Variants in MBNL3 observed in about 807,000 individuals in gnomAD.
MBNL3 encodes the protein muscleblind like splicing regulator 3.
A neutral mutation model predicts 24.5 loss-of-function variants in MBNL3; 6 were observed. The ratio of observed to expected loss-of-function variants is 0.25; its 90% confidence interval spans 0.13 to 0.48. The LOEUF (loss-of-function observed/expected upper bound fraction) is 0.48, where lower values mean the gene tolerates loss of function less well. Among genes scored for constraint, MBNL3 ranks in the 20% least tolerant of loss-of-function variants. MBNL3 has a pLI of 0.99. For missense variants in MBNL3, 230 were observed against 293.5 expected (o/e 0.78, Z 1.58); for synonymous variants, 100 against 101.7 (o/e 0.98, Z 0.10).
chrX:132,425,054 A>C (rs1436286924), intron 2 of MBNL3, among the ~76,000 whole-genome samples: 2 of 112,118 alleles, frequency 1.8e-5, no homozygotes, highest in Non-Finnish European at 3.8e-5. Flanking sequence ...ATCATTGCCA[A>C]ATGTTGACAC....
In MBNL3 at chrX:132,378,309, C is replaced by G. The variant is rs1015227609; in HGVS notation, c.*1357G>C. 9.0e-6 allele frequency: 1 copy of G among 111,057 alleles called. No homozygotes were observed. The highest frequency in any genetic ancestry group is 1.9e-5 in the Non-Finnish European group (1 of 52,881). 9.2% of individuals were successfully genotyped at this position (111,057 alleles called of 1,213,427 possible). A position where few individuals can be genotyped will look rare whatever the true frequency, so the allele number is the denominator to read the frequency against. On this transcript the variant is annotated 3_prime_UTR_variant, in exon 9 of 9. Transcript: ENST00000370853. ...TCTTTCCCAGTTCTTTTGAATAAAT[C>G]AAGGAATAATTGTAAGTGCTTCCCT...
intron 2 of MBNL3, among the ~76,000 whole-genome samples, chrX:132,416,276 A>G (rs1198098607): frequency 8.9e-6 from 1 of 112,072 alleles, no homozygotes; most frequent in African/African-American, 3.2e-5. Context: ...GGAGAACATT[A>G]TGTTAAGTGA....
intron 3 of MBNL3, among the ~76,000 whole-genome samples, chrX:132,402,737 C>CA (rs1941151315): frequency 8.9e-6 from 1 of 112,038 alleles, no homozygotes; most frequent in African/African-American, 3.2e-5. Context: ...TTGCCTGCTC[C>CA]AGCAAGCATT....
chrX:132,442,866 G>A (rs982700094), intron 1 of MBNL3, among the ~76,000 whole-genome samples: 3 of 112,047 alleles, frequency 2.7e-5, no homozygotes, highest in African/African-American at 9.7e-5. Flanking sequence ...TATTTTAGCG[G>A]CTGACTCAGA....
At chrX:132,441,794 T>C (rs1945401763) in intron 1 of MBNL3, among the ~76,000 whole-genome samples, 1 of 111,499 alleles carries the variant, frequency 9.0e-6, no homozygotes, top group Admixed American at 9.5e-5. Flanking sequence ...TCCTCCTACA[T>C]GAATGTTCAT....
chrX:132,445,330 G>A (rs748956909), intron 1 of MBNL3, among the ~76,000 whole-genome samples: 2 of 110,017 alleles, frequency 1.8e-5, no homozygotes, highest in African/African-American at 3.3e-5. Flanking sequence ...ACGTGTTTTC[G>A]TTAGTGGTCC....
chrX:132,473,611 C>T (rs776426986), intron 1 of MBNL3, among the ~76,000 whole-genome samples: 201 of 110,875 alleles, frequency 1.8e-3, no homozygotes, highest in Middle Eastern at 4.6e-3. Context: ...AATAAACACA[C>T]GCACACACAC....
chrX:132,445,476 G>A (rs1232681987), intron 1 of MBNL3, among the ~76,000 whole-genome samples: 3 of 110,905 alleles, frequency 2.7e-5, no homozygotes, highest in Non-Finnish European at 5.7e-5. Context: ...AGGATATTTT[G>A]CCTACAGAAC....
chrX:132,478,703 T>TA (rs1338114725), intron 1 of MBNL3, among the ~76,000 whole-genome samples: 1 of 112,523 alleles, frequency 8.9e-6, no homozygotes, highest in East Asian at 2.8e-4. Flanking sequence ...TTCTGTTTAA[T>TA]AGAAATGCTA....
intron 1 of MBNL3, among the ~76,000 whole-genome samples, chrX:132,448,574 T>C (rs1306460531): frequency 9.0e-6 from 1 of 111,687 alleles, no homozygotes; most frequent in Non-Finnish European, 1.9e-5. Context: ...CTTTTGTTAA[T>C]CTTTTCAAAA....
intron 2 of MBNL3, chrX:132,411,567 A>G (rs1163471308): frequency 4.2e-6 from 1 of 239,447 alleles, no homozygotes; most frequent in Non-Finnish European, 5.9e-6. Flanking sequence ...TAAGCACACA[A>G]GCCAAGTTTC....
At chrX:132,443,385 TG>T (rs1287306602) in intron 1 of MBNL3, among the ~76,000 whole-genome samples, 1 of 112,056 alleles carries the variant, frequency 8.9e-6, no homozygotes, top group East Asian at 2.8e-4. Context: ...TTATCTCTCC[TG>T]GGAATCTTAA....
Position 132,442,728 on chromosome X carries a change from G to T in MBNL3, c.-703-2414C>A, listed in dbSNP as rs142894415. Among the ~76,000 whole-genome samples, 811 of 113,049 alleles carry T rather than the reference G, an allele frequency of 7.2e-3. 1 individual carries two copies. The highest frequency in any genetic ancestry group is 0.011 in the Non-Finnish European group (569 of 53,320). ...CTTCTGGCCATGCATTTTATTCAGA[G>T]ATAGGGGAAGAAGGAATTTTCTTTT... On this transcript the variant is annotated intron_variant, in intron 1 of 8. Transcript: ENST00000370853.
chrX:132,474,515 C>T (rs1221353340), intron 1 of MBNL3, among the ~76,000 whole-genome samples: 1 of 111,230 alleles, frequency 9.0e-6, no homozygotes, highest in Non-Finnish European at 1.9e-5. Flanking sequence ...TAATCCTCCA[C>T]CTTAAAGGCA....
chrX:132,388,265 G>A (rs988012566), intron 5 of MBNL3, among the ~76,000 whole-genome samples: 2 of 112,027 alleles, frequency 1.8e-5, no homozygotes, highest in African/African-American at 6.5e-5. Context: ...AGTAGCTTTA[G>A]AGATATAAAA....
chrX:132,420,394 C>A (rs760922716), intron 2 of MBNL3, among the ~76,000 whole-genome samples: 2 of 110,550 alleles, frequency 1.8e-5, no homozygotes, highest in Non-Finnish European at 3.8e-5. Context: ...CAGCTCAGGC[C>A]GTAACAAACA....
chrX:132,429,490 CTT>C (rs1274621963), intron 2 of MBNL3, among the ~76,000 whole-genome samples: 1 of 111,925 alleles, frequency 8.9e-6, no homozygotes, highest in African/African-American at 3.2e-5. Flanking sequence ...AGTTAGGTAA[CTT>C]TGTCTAAAAA....
intron 1 of MBNL3, among the ~76,000 whole-genome samples, chrX:132,467,721 C>G (rs954800477): frequency 1.8e-5 from 2 of 111,949 alleles, no homozygotes; most frequent in Non-Finnish European, 1.9e-5. Context: ...CTTGTCCCAA[C>G]AGGCTTCTGT....
chrX:132,371,984 A>C lies in MBNL3; in HGVS notation c.*7682T>G, dbSNP rs1279006458. On this transcript the variant is annotated 3_prime_UTR_variant, in exon 9 of 9. Transcript: ENST00000370853. ...ACTCCTAATGTGTGAATATGGATTC[A>C]TAAAAAAAGACATAACCAAGAAGTT... The C allele has an allele frequency of 9.0e-6, 1 of 111,512 alleles. No homozygotes were observed. The highest frequency in any genetic ancestry group is 1.9e-5 in the Non-Finnish European group (1 of 52,956). 9.2% of individuals were successfully genotyped at this position (111,512 alleles called of 1,213,427 possible).
Sources: gnomAD v4.1 joint callset for allele counts (sites outside exome capture counted in the v4.1 genomes callset) on GRCh38, gnomAD v4.1.1 for gene constraint, MANE v1.5 for transcripts, NCBI Gene and HGNC (gene_info 2026-07-23, HGNC 2026-07-21) for gene names.